The following ZFHX4 variants were observed in gnomAD, a reference collection of about 807,000 sequenced individuals.
ZFHX4 encodes the protein zinc finger homeobox protein 4.
A neutral mutation model predicts 267.6 loss-of-function variants in ZFHX4; 56 were observed. The observed-to-expected ratio is 0.21, with a 90% confidence interval of 0.17 to 0.26. ZFHX4 has a LOEUF of 0.26. Among genes scored for constraint, ZFHX4 ranks in the 10% least tolerant of loss-of-function variants. ZFHX4 has a pLI of 1.00. For synonymous variants in ZFHX4, 1,778 were observed against 1,665.6 expected (o/e 1.07, Z -1.64); for missense variants, 4,332 against 4,420.0 (o/e 0.98, Z 0.56).
intron 4 of ZFHX4, among the ~76,000 whole-genome samples, chr8:76,804,971 G>T (rs1811209696): frequency 6.6e-6 from 1 of 152,000 alleles, no homozygotes; most frequent in African/African-American, 2.4e-5. Flanking sequence ...CATTGATTTT[G>T]TTACTGGAAT....
At chr8:76,703,682 C>T (rs1808162443) in intron 1 of ZFHX4, 1 of 164,476 alleles carries the variant, frequency 6.1e-6, no homozygotes, top group African/African-American at 2.4e-5. Flanking sequence ...TATACAAAAG[C>T]TATTTACATT....
chr8:76,786,847 G>A (rs1210552870), intron 4 of ZFHX4, among the ~76,000 whole-genome samples: 3 of 152,088 alleles, frequency 2.0e-5, no homozygotes, highest in Non-Finnish European at 4.4e-5. Flanking sequence ...TTTGAGGTTC[G>A]GAGGTTCAGG....
intron 3 of ZFHX4, among the ~76,000 whole-genome samples, chr8:76,759,077 T>C (rs1809841872): frequency 6.6e-6 from 1 of 152,196 alleles, no homozygotes; most frequent in African/African-American, 2.4e-5. Flanking sequence ...ATATTTACAT[T>C]TTGAAAATAA....
chr8:76,826,543 A>G (rs1312356926), intron 4 of ZFHX4, among the ~76,000 whole-genome samples: 1 of 152,224 alleles, frequency 6.6e-6, no homozygotes, highest in East Asian at 1.9e-4. Context: ...TAGAAAATAG[A>G]GGCTTTCATG....
chr8:76,702,305 AC>A (rs1025880024), intron 1 of ZFHX4, among the ~76,000 whole-genome samples: 1 of 152,144 alleles, frequency 6.6e-6, no homozygotes, highest in Non-Finnish European at 1.5e-5. Flanking sequence ...AGATACCAAA[AC>A]GAATTTTGAA....
Position 76,705,998 on chromosome 8 carries a change from C to T in ZFHX4, c.1910C>T (p.Ser637Leu), listed in dbSNP as rs1808257076. ...GGTGGTCATATGACTATGATGCACT[C>T]GAGGAACTCATGCAAAACCCTCAAA... ...SLGGHMTMMH[S>L]RNSCKTLKCP... is the part of the protein sequence containing the mutation. Residue 637 changes from serine (S) to leucine (L), a missense_variant, in exon 2 of 11, where the codon TCG becomes TTG. Ser to Leu is a moderately radical substitution (Grantham distance 145, BLOSUM62 -2). Around this residue, in one of 7 missense-constraint regions of ZFHX4, gnomAD observed 1,195 missense variants for 1,173.6 expected, o/e 1.02. Transcript: ENST00000651372. 1.9e-6 allele frequency: 3 copies of T among 1,613,176 alleles called. No individual in the cohort carries two copies. The highest frequency in any genetic ancestry group is 2.5e-6 in the Non-Finnish European group (3 of 1,179,632).
In ZFHX4 at chr8:76,719,424, C is replaced by CA. The variant is rs527359990; in HGVS notation, c.3093+11379dup. ...AGTTCTGTATGTACACATGACTAAT[C>CA]AAAGGATCAGAGAACAGGATATGAT... On this transcript the variant is annotated intron_variant, in intron 3 of 10. Transcript: ENST00000651372. 2.2e-4 allele frequency among the ~76,000 whole-genome samples: 33 copies of CA among 152,000 alleles called. No homozygotes were observed. The South Asian group carries it at 5.0e-3, about 23-fold the overall frequency.
intron 4 of ZFHX4, among the ~76,000 whole-genome samples, chr8:76,800,136 C>A (rs1225112377): frequency 6.6e-6 from 1 of 151,920 alleles, no homozygotes; most frequent in South Asian, 2.1e-4. Context: ...CCAAAAGGTA[C>A]AAAGTGAAGG....
intron 4 of ZFHX4, among the ~76,000 whole-genome samples, chr8:76,824,657 C>G (rs1402815889): frequency 6.6e-6 from 1 of 152,184 alleles, no homozygotes; most frequent in African/African-American, 2.4e-5. Flanking sequence ...ACTGCAACCT[C>G]AAACTCCTGG....
intron 4 of ZFHX4, among the ~76,000 whole-genome samples, chr8:76,786,440 T>TA (rs1403664798): frequency 6.6e-6 from 1 of 151,264 alleles, no homozygotes; most frequent in East Asian, 1.9e-4. Flanking sequence ...GATAAGGAGA[T>TA]TATCTGAGTT....
chr8:76,788,782 T>C (rs1005192525), intron 4 of ZFHX4, among the ~76,000 whole-genome samples: 1 of 152,210 alleles, frequency 6.6e-6, no homozygotes, highest in Non-Finnish European at 1.5e-5. Flanking sequence ...GTTCTTTGTA[T>C]ACAAAGGAAA....
rs768970618 is a variant in ZFHX4, at chr8:76,705,170, G to A, written c.1082G>A (p.Arg361His). The A allele has an allele frequency of 1.1e-5, 18 of 1,613,822 alleles. 1 individual carries two copies. In the Middle Eastern group the frequency reaches 8.2e-4, roughly 74 times the overall value. ...TNLIGPDPTF[R>H]GLWSAFHVEN... The stretch of plus-strand genomic sequence containing the variant: ...CTCATAGGACCCGATCCAACCTTCC[G>A]CGGTTTATGGAGCGCTTTTCATGTT... The change falls in exon 2 of 11, where the codon CGC (arginine) becomes CAC (histidine). Residue 361 changes from arginine (R) to histidine (H), a missense_variant. Coordinates refer to ENST00000651372, the MANE Select transcript of ZFHX4 (RefSeq NM_024721.5).
intron 1 of ZFHX4, among the ~76,000 whole-genome samples, chr8:76,693,954 A>T (rs1473765295): frequency 6.6e-6 from 1 of 152,194 alleles, no homozygotes; most frequent in Non-Finnish European, 1.5e-5. Context: ...TTACTCTAGT[A>T]AGGCGGTCTG....
chr8:76,819,701 A>G (rs1418728761), intron 4 of ZFHX4, among the ~76,000 whole-genome samples: 1 of 152,230 alleles, frequency 6.6e-6, no homozygotes, highest in Non-Finnish European at 1.5e-5. Flanking sequence ...TTTCACGGGT[A>G]TCACAGGAAA....
At chr8:76,733,662 C>A (rs1366252330) in intron 3 of ZFHX4, among the ~76,000 whole-genome samples, 3 of 152,086 alleles carry the variant, frequency 2.0e-5, no homozygotes, top group Non-Finnish European at 4.4e-5. Flanking sequence ...AGATAATATT[C>A]ATATGCTGTT....
chr8:76,718,039 C>A (rs1808624743), intron 3 of ZFHX4, among the ~76,000 whole-genome samples: 1 of 152,172 alleles, frequency 6.6e-6, no homozygotes. Flanking sequence ...TGTGAAAAAT[C>A]AGGTAGCAAG....
intron 3 of ZFHX4, among the ~76,000 whole-genome samples, chr8:76,767,739 A>G (rs987406580): frequency 1.3e-5 from 2 of 152,194 alleles, no homozygotes; most frequent in Admixed American, 6.5e-5. Context: ...TGGGCTCTCA[A>G]CAAAACTTTG....
chr8:76,799,765 A>C (rs1811070807), intron 4 of ZFHX4, among the ~76,000 whole-genome samples: 1 of 152,098 alleles, frequency 6.6e-6, no homozygotes, highest in Non-Finnish European at 1.5e-5. Flanking sequence ...GAAAATATTA[A>C]AACACCACCT....
At chr8:76,772,628 G>A (rs912140199) in intron 3 of ZFHX4, among the ~76,000 whole-genome samples, 1 of 152,104 alleles carries the variant, frequency 6.6e-6, no homozygotes, top group Non-Finnish European at 1.5e-5. Flanking sequence ...TAGGCAGCAC[G>A]ACATGGCCAG....
Sources: allele counts gnomAD v4.1 joint callset (sites outside exome capture counted in the v4.1 genomes callset), GRCh38; gene constraint gnomAD v4.1.1; regional missense constraint gnomAD v4.1.1; transcripts MANE v1.5; gene names NCBI Gene and HGNC (gene_info 2026-07-23, HGNC 2026-07-21).